The following CFAP20DC variants were observed in gnomAD, a reference collection of about 807,000 sequenced individuals.
CFAP20DC encodes the protein protein CFAP20DC.
Under a neutral mutation model 101.7 loss-of-function variants are expected in CFAP20DC, and 84 were observed. The ratio of observed to expected loss-of-function variants is 0.83; its 90% CI spans 0.69 to 0.99. The LOEUF is 0.99. Ranked by LOEUF, CFAP20DC falls within the 50% of genes least tolerant of loss-of-function variation. The probability of loss-of-function intolerance (pLI) is 0.00; values close to 1 mark genes in which losing one functional copy is unlikely to be tolerated. For synonymous variants in CFAP20DC, 359 were observed against 351.2 expected (o/e 1.02, Z -0.25); for missense variants, 1,007 against 970.3 (o/e 1.04, Z -0.50).
At chr3:59,045,736 A>T (rs1699802579) in intron 3 of CFAP20DC, among the ~76,000 whole-genome samples, 1 of 152,158 alleles carries the variant, frequency 6.6e-6, no homozygotes, top group African/African-American at 2.4e-5. Context: ...ATGAGTTGAC[A>T]TGTCACTAAA....
rs940814413 is a variant in CFAP20DC, at chr3:58,971,478, T to C, written c.279-33716A>G. ...CTATGCTCTCCAGAATGTATCACTATAATTGCAGAAGATTTTTATTCCTTA... is the reference window on the plus strand; with the variant it reads ...CTATGCTCTCCAGAATGTATCACTACAATTGCAGAAGATTTTTATTCCTTA... On this transcript the variant is annotated intron_variant, in intron 4 of 16. Transcript: ENST00000482387. This position sits in a 1 kb window ranked among gnomAD's most constrained non-coding sequence, Gnocchi z 4.1. Among the ~76,000 whole-genome samples the C allele has an allele frequency of 2.6e-5, 4 of 152,204 alleles. No individual in the cohort carries two copies. Among genetic ancestry groups the C allele is most frequent in the African/African-American group, 4.8e-5 (2 of 41,474 alleles).
intron 1 of CFAP20DC, among the ~76,000 whole-genome samples, chr3:59,048,792 T>G (rs1006385317): frequency 2.6e-5 from 4 of 152,124 alleles, no homozygotes; most frequent in African/African-American, 7.2e-5. Context: ...ACAGCAGGAC[T>G]AGCATGGTAA....
rs1451870063 is a variant in CFAP20DC at position 58,799,203 on chromosome 3, A to G, written c.2237+7192T>C. Among the ~76,000 whole-genome samples the G allele has an allele frequency of 2.0e-5, 3 of 152,176 alleles. No homozygotes were observed. Among genetic ancestry groups the G allele is most frequent in the Non-Finnish European group, 4.4e-5 (3 of 68,042 alleles). On this transcript the variant is annotated intron_variant, in intron 15 of 16. Transcript: ENST00000482387. The surrounding 1 kb of genome is among the most constrained non-coding windows in gnomAD (Gnocchi z 4.9). ...TGGCAACCCAACCAGATTTCTAGCAAGTGGTACTCTGACTCCATAAAATAC... is the reference window on the plus strand; with the variant it reads ...TGGCAACCCAACCAGATTTCTAGCAGGTGGTACTCTGACTCCATAAAATAC...
At chr3:58,988,797 C>T (rs1259478998) in intron 4 of CFAP20DC, among the ~76,000 whole-genome samples, 1 of 152,112 alleles carries the variant, frequency 6.6e-6, no homozygotes, top group Non-Finnish European at 1.5e-5. Flanking sequence ...AAATCACTGT[C>T]ATTTAAAAAT....
At chr3:58,718,918 T>C (rs946834531) in intron 3 of CFAP20DC, among the ~76,000 whole-genome samples, 1 of 152,042 alleles carries the variant, frequency 6.6e-6, no homozygotes, top group East Asian at 1.9e-4. Flanking sequence ...CTTAGTAAGA[T>C]GATAGTAAGG....
chr3:58,753,681 A>G (rs1302250430), intron 16 of CFAP20DC, 88 bp downstream of exon 16: 1 of 895,422 alleles, frequency 1.1e-6, no homozygotes, highest in African/African-American at 1.7e-5. Context: ...CATTTAATAA[A>G]AACAGTGGCA....
intron 4 of CFAP20DC, among the ~76,000 whole-genome samples, chr3:58,959,176 C>T (rs1046388456): frequency 1.3e-5 from 2 of 152,184 alleles, no homozygotes; most frequent in Non-Finnish European, 2.9e-5. Context: ...CTCACTGCAA[C>T]CTCCGCCTCC....
At chr3:58,890,435 G>T (rs998401009) in intron 6 of CFAP20DC, among the ~76,000 whole-genome samples, 3 of 144,952 alleles carry the variant, frequency 2.1e-5, no homozygotes, top group Non-Finnish European at 3.0e-5. Flanking sequence ...CGGGCGGGGG[G>T]GCTGACCCCC....
chr3:58,723,951 G>A (rs979693482), intron 3 of CFAP20DC, among the ~76,000 whole-genome samples: 1 of 152,192 alleles, frequency 6.6e-6, no homozygotes, highest in East Asian at 2.0e-4. Flanking sequence ...TGCCTTAGGC[G>A]CACATTTTTT....
chr3:59,003,036 C>T (rs370970514), intron 4 of CFAP20DC, among the ~76,000 whole-genome samples: 9 of 152,020 alleles, frequency 5.9e-5, no homozygotes, highest in Admixed American at 2.6e-4. Context: ...ATTTTATAAG[C>T]GTTTCAAGAG....
At chr3:58,768,987 T>TTATAAAA (rs1482917264) in intron 15 of CFAP20DC, among the ~76,000 whole-genome samples, 1 of 152,088 alleles carries the variant, frequency 6.6e-6, no homozygotes, top group East Asian at 1.9e-4. Context: ...TATAAAAAGG[T>TTATAAAA]AAGAACAGGC....
At chr3:58,931,607 G>A (rs971393790) in intron 5 of CFAP20DC, among the ~76,000 whole-genome samples, 1 of 152,170 alleles carries the variant, frequency 6.6e-6, no homozygotes, top group Non-Finnish European at 1.5e-5. Flanking sequence ...AGCAGCATTC[G>A]CGGTTCATGA....
At chr3:58,891,331 G>T (rs548755102) in intron 6 of CFAP20DC, among the ~76,000 whole-genome samples, 27 of 151,970 alleles carry the variant, frequency 1.8e-4, no homozygotes, top group African/African-American at 6.5e-4. Flanking sequence ...GGAGAATCAG[G>T]CAGGGAGGTT....
rs1027677549 is a variant in CFAP20DC at position 58,894,441 on chromosome 3, G to A, written c.551-9732C>T. Among the ~76,000 whole-genome samples, 1 of 152,210 alleles carries A rather than the reference G, an allele frequency of 6.6e-6. No individual in the cohort carries two copies. The highest frequency in any genetic ancestry group is 1.9e-4 in the East Asian group (1 of 5,198). ...AGGCCCCATGCAAGTCCAAAATCCA[G>A]CAGGGCAGTCAAATCTCAAAGCTCC... On this transcript the variant is annotated intron_variant, in intron 6 of 16. Coordinates refer to ENST00000482387, the MANE Select transcript of CFAP20DC (RefSeq NM_001394063.1). The surrounding 1 kb of genome is among the most constrained non-coding windows in gnomAD (Gnocchi z 4.1).
chr3:58,764,069 C>T (rs2069995652), intron 15 of CFAP20DC, among the ~76,000 whole-genome samples: 1 of 152,192 alleles, frequency 6.6e-6, no homozygotes, highest in Admixed American at 6.5e-5. Flanking sequence ...AGCTGTCAGA[C>T]AGGGACATTT....
intron 11 of CFAP20DC, 29 bp downstream of exon 11, chr3:58,866,537 A>G: frequency 6.4e-7 from 1 of 1,550,950 alleles, no homozygotes; most frequent in Non-Finnish European, 8.7e-7. Flanking sequence ...ATTCATTATT[A>G]ACAGATATGG....
At chr3:58,833,207 G>A (rs1299619404) in intron 13 of CFAP20DC, among the ~76,000 whole-genome samples, 4 of 152,078 alleles carry the variant, frequency 2.6e-5, no homozygotes, top group African/African-American at 9.7e-5. Flanking sequence ...ATGTGATGTG[G>A]AGACTTCCTA....
chr3:59,026,187 A>AT (rs1169927116), intron 4 of CFAP20DC, among the ~76,000 whole-genome samples: 2 of 152,156 alleles, frequency 1.3e-5, no homozygotes, highest in Non-Finnish European at 2.9e-5. Flanking sequence ...TTAAATACTG[A>AT]TTTTTTTAAA....
chr3:58,994,744 C>T (rs1472360874), intron 4 of CFAP20DC, among the ~76,000 whole-genome samples: 1 of 149,510 alleles, frequency 6.7e-6, no homozygotes, highest in Admixed American at 6.7e-5. Flanking sequence ...TTCAAACATG[C>T]AATTAGCAGG....
Sources: allele counts gnomAD v4.1 joint callset (sites outside exome capture counted in the v4.1 genomes callset), GRCh38; gene constraint gnomAD v4.1.1; non-coding constraint Gnocchi (gnomAD v3.1); transcripts MANE v1.5; gene names NCBI Gene and HGNC (gene_info 2026-07-23, HGNC 2026-07-21).